The following DOCK2 variants were observed in gnomAD, a reference collection of about 807,000 sequenced individuals.
DOCK2 encodes dedicator of cytokinesis protein 2.
DOCK2 carries 87 observed loss-of-function variants against 248.9 expected under a neutral mutation model. The ratio of observed to expected loss-of-function variants is 0.35; its 90% CI spans 0.29 to 0.42. DOCK2 has a LOEUF of 0.42. Ranked by LOEUF, DOCK2 falls within the 10% of genes least tolerant of loss-of-function variation. The pLI, the probability that DOCK2 is intolerant of heterozygous loss-of-function variation, is 1.00. For synonymous variants in DOCK2, 805 were observed against 821.6 expected (o/e 0.98, Z 0.35); for missense variants, 1,747 against 2,300.2 (o/e 0.76, Z 4.92).
chr5:170,037,512 G>A (rs1276095436), intron 36 of DOCK2, among the ~76,000 whole-genome samples: 1 of 135,222 alleles, frequency 7.4e-6, no homozygotes, highest in Non-Finnish European at 1.5e-5. Flanking sequence ...TAAAGACAGA[G>A]TTTCGCTCTT....
At chr5:170,018,341 G>GA (rs1161626217) in intron 32 of DOCK2, among the ~76,000 whole-genome samples, 1 of 152,182 alleles carries the variant, frequency 6.6e-6, no homozygotes, top group Non-Finnish European at 1.5e-5. Context: ...GAAGCAAGGT[G>GA]AAATTGTGAC....
intron 27 of DOCK2, among the ~76,000 whole-genome samples, chr5:169,971,505 G>A (rs188065633): frequency 6.8e-6 from 1 of 147,714 alleles, no homozygotes; most frequent in East Asian, 2.1e-4. Context: ...GCTCATTAAT[G>A]TGAAACCTTG....
At chr5:169,793,416 C>T (rs1766469369) in intron 25 of DOCK2, among the ~76,000 whole-genome samples, 1 of 152,152 alleles carries the variant, frequency 6.6e-6, no homozygotes, top group South Asian at 2.1e-4. Flanking sequence ...GCTCTGGAAT[C>T]ATATTTCCTG....
chr5:169,869,771 G>A (rs942403157), intron 27 of DOCK2, among the ~76,000 whole-genome samples: 2 of 152,126 alleles, frequency 1.3e-5, no homozygotes, highest in African/African-American at 2.4e-5. Context: ...CTCTGCTTTG[G>A]GTTTCAGCCC....
intron 27 of DOCK2, among the ~76,000 whole-genome samples, chr5:169,874,177 CCAAGGT>C (rs1212971899): frequency 6.6e-6 from 1 of 152,014 alleles, no homozygotes; most frequent in Non-Finnish European, 1.5e-5. Context: ...CTTTGGGAGG[CCAAGGT>C]CAGTGGATCA....
intron 25 of DOCK2, among the ~76,000 whole-genome samples, chr5:169,772,310 A>G (rs766765712): frequency 3.9e-5 from 6 of 152,226 alleles, no homozygotes; most frequent in Non-Finnish European, 8.8e-5. Flanking sequence ...CTCGGCTTGC[A>G]CTTTCTCAAT....
chr5:169,948,233 G>A (rs535249153), intron 27 of DOCK2, among the ~76,000 whole-genome samples: 1 of 152,308 alleles, frequency 6.6e-6, no homozygotes, highest in Admixed American at 6.5e-5. Flanking sequence ...GTGGGGAACA[G>A]TGCAGATGAA....
intron 33 of DOCK2, among the ~76,000 whole-genome samples, chr5:170,024,093 G>A (rs538434902): frequency 1.8e-4 from 28 of 152,184 alleles, no homozygotes; most frequent in Non-Finnish European, 4.0e-4. Context: ...CTCCTTTCTC[G>A]ATTAGAGCTT....
chr5:170,066,544 G>C (rs1332640919), intron 44 of DOCK2, among the ~76,000 whole-genome samples: 1 of 152,102 alleles, frequency 6.6e-6, no homozygotes, highest in Non-Finnish European at 1.5e-5. Flanking sequence ...AGATCGTAAT[G>C]GACCTAACAG....
At chr5:169,993,856 C>T (rs1398655986) in intron 29 of DOCK2, among the ~76,000 whole-genome samples, 1 of 152,182 alleles carries the variant, frequency 6.6e-6, no homozygotes, top group Non-Finnish European at 1.5e-5. Flanking sequence ...AACTTTCAAT[C>T]AGTGAGGGGC....
rs1055717868 is a variant in DOCK2 at position 169,941,783 on chromosome 5, C to T, written c.2800-41285C>T. Among the ~76,000 whole-genome samples, 4 of 152,202 alleles carry T rather than the reference C, an allele frequency of 2.6e-5. No homozygotes were observed. In the South Asian group the frequency reaches 6.2e-4, roughly 24 times the overall value. On this transcript the variant is annotated intron_variant, in intron 27 of 51. Coordinates refer to ENST00000520908, the MANE Select transcript of DOCK2 (RefSeq NM_004946.3). ...ACCAGCAGACATCGAATACCACACGCTTTCTTGCATTGCAGGGATGGGACA... is the reference window on the plus strand; with the variant it reads ...ACCAGCAGACATCGAATACCACACGTTTTCTTGCATTGCAGGGATGGGACA...
chr5:169,804,452 G>T (rs1767189760), intron 26 of DOCK2, among the ~76,000 whole-genome samples: 1 of 69,298 alleles, frequency 1.4e-5, no homozygotes, highest in South Asian at 5.8e-4. Flanking sequence ...GTGTGTGTGT[G>T]TGTGTGTGTG....
intron 26 of DOCK2, among the ~76,000 whole-genome samples, chr5:169,805,214 T>TGC (rs1581215146): frequency 1.1e-5 from 1 of 88,254 alleles, no homozygotes; most frequent in Non-Finnish European, 2.0e-5. Flanking sequence ...CCTCTGTCTC[T>TGC]ACAAAAAAAA....
intron 27 of DOCK2, among the ~76,000 whole-genome samples, chr5:169,957,986 TTGAC>T (rs2113738535): frequency 1.3e-5 from 2 of 152,324 alleles, no homozygotes; most frequent in South Asian, 4.1e-4. Context: ...CCAGCTCACC[TTGAC>T]TGAGATGCTC....
chr5:169,683,085 A>G (rs1176371744), intron 7 of DOCK2, among the ~76,000 whole-genome samples: 3 of 152,368 alleles, frequency 2.0e-5, no homozygotes, highest in Admixed American at 6.5e-5. Context: ...TAATGCAACT[A>G]TGAACATTTG....
At chr5:169,735,305 C>A (rs1259210608) in intron 22 of DOCK2, among the ~76,000 whole-genome samples, 2 of 152,190 alleles carry the variant, frequency 1.3e-5, no homozygotes, top group Non-Finnish European at 2.9e-5. Flanking sequence ...TCTTTCTCCA[C>A]TCTGGAATTG....
At chr5:169,808,646 A>T (rs998815199) in intron 26 of DOCK2, among the ~76,000 whole-genome samples, 20 of 152,140 alleles carry the variant, frequency 1.3e-4, no homozygotes, top group African/African-American at 4.6e-4. Flanking sequence ...GGGCGGTTTC[A>T]CACTGCTTCG....
At chr5:169,930,682 GAATTATT>G in intron 27 of DOCK2, among the ~76,000 whole-genome samples, 1 of 152,308 alleles carries the variant, frequency 6.6e-6, no homozygotes, top group East Asian at 1.9e-4. Context: ...ATTTTACCTT[GAATTATT>G]AATTTCAAGA....
chr5:169,957,157 A>G (rs1581470224), intron 27 of DOCK2, among the ~76,000 whole-genome samples: 1 of 152,304 alleles, frequency 6.6e-6, no homozygotes, highest in East Asian at 1.9e-4. Flanking sequence ...TTTGCTTCTC[A>G]TTGCCTGGTA....
Sources: gnomAD v4.1 joint callset for allele counts (sites outside exome capture counted in the v4.1 genomes callset) on GRCh38, gnomAD v4.1.1 for gene constraint, MANE v1.5 for transcripts, NCBI Gene and HGNC (gene_info 2026-07-23, HGNC 2026-07-21) for gene names.